Variants in LAPTM4B observed in about 807,000 individuals in gnomAD.
The protein encoded by LAPTM4B is lysosomal protein transmembrane 4 beta.
LAPTM4B carries 26 observed loss-of-function variants against 28.5 expected under a neutral mutation model. The ratio of observed to expected loss-of-function variants is 0.91; its 90% CI spans 0.67 to 1.27. LAPTM4B has a LOEUF of 1.27. LAPTM4B is among the 50% of genes most tolerant of loss of function. The pLI, the probability that LAPTM4B is intolerant of heterozygous loss-of-function variation, is 0.00. For missense variants in LAPTM4B, 288 were observed against 285.8 expected (o/e 1.01, Z -0.06); for synonymous variants, 109 against 106.4 (o/e 1.02, Z -0.15).
In LAPTM4B at chr8:97,808,376, G is replaced by C. The variant is rs1002060677; in HGVS notation, c.211+2912G>C. On this transcript the variant is annotated intron_variant, in intron 2 of 6. Transcript: ENST00000521545. ...GCAGGAGAATTGCTTGAACCTGGGA[G>C]GGGGGAGTTTGCAGTGAGCCGAGAT... 2.6e-5 allele frequency among the ~76,000 whole-genome samples: 4 copies of C among 151,836 alleles called. No individual in the cohort carries two copies. The East Asian group carries it at 5.9e-4, about 22-fold the overall frequency.
Position 97,791,947 on chromosome 8 carries a change from C to T in LAPTM4B, c.100-13406C>T, listed in dbSNP as rs117480892. Among the ~76,000 whole-genome samples the T allele has an allele frequency of 6.3e-3, 959 of 152,066 alleles. 14 individuals are homozygous for T. Among genetic ancestry groups the T allele is most frequent in the African/African-American group, 0.021 (872 of 41,484 alleles). Reference sequence around the variant, plus strand: ...TTTAGTTCATCACCTATGAGGAAGACGTCCTAAAAGGATGGTACTGTTGAC... The same window carrying T: ...TTTAGTTCATCACCTATGAGGAAGATGTCCTAAAAGGATGGTACTGTTGAC... On this transcript the variant is annotated intron_variant, in intron 1 of 6. Transcript: ENST00000521545.
intron 6 of LAPTM4B, among the ~76,000 whole-genome samples, chr8:97,848,103 A>C (rs1817460063): frequency 6.6e-6 from 1 of 151,544 alleles, no homozygotes; most frequent in Non-Finnish European, 1.5e-5. Flanking sequence ...ATCACTACTA[A>C]AACTAAAAAT....
intron 2 of LAPTM4B, among the ~76,000 whole-genome samples, chr8:97,807,010 T>C (rs1816765510): frequency 6.6e-6 from 1 of 152,144 alleles, no homozygotes; most frequent in Non-Finnish European, 1.5e-5. Flanking sequence ...CCCTTTGCCA[T>C]GATTCTGAGG....
chr8:97,851,358 C>CT, intron 6 of LAPTM4B, 39 bp from the exon 7 acceptor site: 1 of 1,511,790 alleles, frequency 6.6e-7, no homozygotes, highest in Non-Finnish European at 9.2e-7. Context: ...CGTGTGTGCT[C>CT]TTCAAACATT....
chr8:97,817,373 A>AGT (rs1318878043), intron 4 of LAPTM4B, among the ~76,000 whole-genome samples: 2 of 150,086 alleles, frequency 1.3e-5, no homozygotes, highest in Non-Finnish European at 3.0e-5. Context: ...CCTAGACTCA[A>AGT]GTGATCCTCC....
At chr8:97,791,494 C>A (rs182185758) in intron 1 of LAPTM4B, among the ~76,000 whole-genome samples, 1 of 152,254 alleles carries the variant, frequency 6.6e-6, no homozygotes, top group Admixed American at 6.5e-5. Flanking sequence ...AGAATGAACA[C>A]CAGAACCGAC....
chr8:97,792,253 C>T (rs1458038582), intron 1 of LAPTM4B, among the ~76,000 whole-genome samples: 1 of 151,906 alleles, frequency 6.6e-6, no homozygotes, highest in East Asian at 1.9e-4. Flanking sequence ...ACAGTTGGTT[C>T]TTTTTTATTT....
chr8:97,819,838 C>T (rs1816977265), intron 5 of LAPTM4B, among the ~76,000 whole-genome samples: 2 of 148,502 alleles, frequency 1.3e-5, no homozygotes, highest in South Asian at 4.2e-4. Flanking sequence ...GGCTTCACGC[C>T]ATTATCTTGC....
At chr8:97,831,841 T>G (rs11773963) in intron 6 of LAPTM4B, among the ~76,000 whole-genome samples, 34,434 of 152,112 alleles carry the variant, frequency 0.23, 4,919 homozygotes, top group Non-Finnish European at 0.3. Flanking sequence ...GGTCAGATGT[T>G]TTTTGGTGCC....
intron 1 of LAPTM4B, among the ~76,000 whole-genome samples, chr8:97,779,353 T>C (rs1039418503): frequency 6.6e-6 from 1 of 151,844 alleles, no homozygotes; most frequent in African/African-American, 2.4e-5. Flanking sequence ...GGTGCGGTGG[T>C]GTAGGCCTAT....
intron 1 of LAPTM4B, 87 bp from the exon 2 acceptor site, chr8:97,805,266 T>C (rs1586328556): frequency 1.4e-6 from 1 of 729,564 alleles, no homozygotes; most frequent in East Asian, 2.5e-5. Context: ...CCAGCCTGAC[T>C]CCATGTGGTC....
At chr8:97,778,938 A>G (rs1816267736) in intron 1 of LAPTM4B, among the ~76,000 whole-genome samples, 1 of 152,166 alleles carries the variant, frequency 6.6e-6, no homozygotes, top group African/African-American at 2.4e-5. Flanking sequence ...GAACTTTTTT[A>G]AGAGAGTTTG....
intron 2 of LAPTM4B, among the ~76,000 whole-genome samples, chr8:97,811,306 G>T: frequency 6.6e-6 from 1 of 152,248 alleles, no homozygotes; most frequent in Admixed American, 6.5e-5. Context: ...AGGGAAACAG[G>T]TGCTTCATAA....
Position 97,828,276 on chromosome 8 carries a change from AC to A in LAPTM4B, c.603+3125del, listed in dbSNP as rs576782811. ...AAGCGGGATTAGGGGTGGCGTGGGT[AC>A]CTAAAGTGAGAGAGAAAGGTTAAAT... On this transcript the variant is annotated intron_variant, in intron 6 of 6. Transcript: ENST00000521545. 3.3e-5 allele frequency among the ~76,000 whole-genome samples: 5 copies of A among 152,274 alleles called. No homozygotes were observed. In the East Asian group the frequency reaches 9.6e-4, roughly 29 times the overall value.
intron 1 of LAPTM4B, among the ~76,000 whole-genome samples, chr8:97,777,340 G>T (rs1387953847): frequency 3.2e-4 from 49 of 151,690 alleles, no homozygotes; most frequent in Non-Finnish European, 2.9e-5. Flanking sequence ...TAGAGACAGG[G>T]TTTCACCATG....
chr8:97,784,484 G>C (rs1319581957), intron 1 of LAPTM4B, among the ~76,000 whole-genome samples: 8 of 152,262 alleles, frequency 5.3e-5, no homozygotes. Context: ...CTGTCACCCA[G>C]GCTGGAGTGC....
intron 1 of LAPTM4B, among the ~76,000 whole-genome samples, chr8:97,784,994 G>A (rs1397543420): frequency 1.3e-5 from 2 of 152,114 alleles, no homozygotes; most frequent in African/African-American, 2.4e-5. Context: ...TAAAGTACAG[G>A]TTTCCCCTCA....
At chr8:97,817,770 A>G (rs571407442) in intron 4 of LAPTM4B, among the ~76,000 whole-genome samples, 1 of 135,082 alleles carries the variant, frequency 7.4e-6, no homozygotes, top group African/African-American at 2.7e-5. Context: ...TTTTTTTTTT[A>G]GTAGAGGTGG....
At chr8:97,777,932 A>T (rs747367543) in intron 1 of LAPTM4B, among the ~76,000 whole-genome samples, 1 of 152,254 alleles carries the variant, frequency 6.6e-6, no homozygotes, top group Non-Finnish European at 1.5e-5. Flanking sequence ...TTGCAAGTAC[A>T]TCAGAGAACG....
Sources: allele counts gnomAD v4.1 joint callset (sites outside exome capture counted in the v4.1 genomes callset), GRCh38; gene constraint gnomAD v4.1.1; transcripts MANE v1.5; gene names NCBI Gene and HGNC (gene_info 2026-07-23, HGNC 2026-07-21).